PDE4D: variants seen among roughly 807,000 people sequenced by gnomAD.
PDE4D encodes the protein phosphodiesterase 4D.
In PDE4D, 24 loss-of-function variants were observed where a neutral mutation model predicts 87.4. The ratio of observed to expected loss-of-function variants is 0.27; its 90% CI spans 0.20 to 0.39. PDE4D has a LOEUF of 0.39. Ranked by LOEUF, PDE4D falls within the 10% of genes least tolerant of loss-of-function variation. PDE4D has a pLI of 1.00. For missense variants in PDE4D, 714 were observed against 1,041.0 expected, an observed-to-expected ratio of 0.69 and a Z score of 4.32; for synonymous variants, 384 against 383.2, an observed-to-expected ratio of 1.00 and a Z score of -0.02.
At chr5:58,980,814 G>GTGTA (rs1744944045) in intron 11 of PDE4D, among the ~76,000 whole-genome samples, 1 of 152,146 alleles carries the variant, frequency 6.6e-6, no homozygotes, top group African/African-American at 2.4e-5. Context: ...GAGTGTGTGT[G>GTGTA]TGTATGTGAG....
Position 59,545,745 on chromosome 5 carries a change from C to T in PDE4D, c.456-329777G>A, listed in dbSNP as rs540060828. ...CATGAAAAATTCTAGTTTGCCCCTA[C>T]TGTAAAAATTCACAATATAAATATA... On this transcript the variant is annotated intron_variant, in intron 1 of 14. Transcript: ENST00000340635. Among the ~76,000 whole-genome samples the T allele has an allele frequency of 3.7e-4, 56 of 152,210 alleles. No individual in the cohort carries two copies. The South Asian group carries it at 0.011, about 31-fold the overall frequency.
rs577845105 is a variant in PDE4D, at chr5:60,373,450, C to T, written c.-90+114492G>A. Reference sequence around the variant, plus strand: ...TTTCTATTATGTTTAGTTGCTACCTCTTTCTCTAGAGTCTTATTGAACTCA... The same window carrying T: ...TTTCTATTATGTTTAGTTGCTACCTTTTTCTCTAGAGTCTTATTGAACTCA... On this transcript the variant is annotated intron_variant, in intron 1 of 16. Transcript: ENST00000502484. Among the ~76,000 whole-genome samples, 13 of 152,268 alleles carry T rather than the reference C, an allele frequency of 8.5e-5. No individual in the cohort carries two copies. In the South Asian group the frequency reaches 2.5e-3, roughly 29 times the overall value.
At chr5:59,102,334 C>T (rs1031439878) in intron 5 of PDE4D, among the ~76,000 whole-genome samples, 1 of 152,060 alleles carries the variant, frequency 6.6e-6, no homozygotes, top group Non-Finnish European at 1.5e-5. Context: ...GATCTGCACG[C>T]CTCGGCCTCC....
chr5:60,092,358 A>G (rs890290009), intron 2 of PDE4D, among the ~76,000 whole-genome samples: 8 of 152,108 alleles, frequency 5.3e-5, no homozygotes, highest in African/African-American at 1.7e-4. Flanking sequence ...GATAGAAGGA[A>G]TAAGTTATAG....
At position 59,425,736 on chromosome 5, in the gene PDE4D, C is replaced by T. The variant is rs185877174; in HGVS notation, c.456-209768G>A. ...ACAGAAAATGGGACGTATTCTTCTC[C>T]GCAATGCCTCCCTCGTGCAGGTTCA... On this transcript the variant is annotated intron_variant, in intron 1 of 14. Transcript: ENST00000340635. Among the ~76,000 whole-genome samples, 470 of 152,248 alleles carry T rather than the reference C, an allele frequency of 3.1e-3. 5 individuals carry two copies. Among genetic ancestry groups the T allele is most frequent in the Non-Finnish European group, 2.4e-3 (161 of 68,028 alleles).
intron 5 of PDE4D, among the ~76,000 whole-genome samples, chr5:59,177,325 C>A (rs1400098200): frequency 1.3e-5 from 2 of 152,198 alleles, no homozygotes; most frequent in African/African-American, 4.8e-5. Flanking sequence ...CTATAAGCCA[C>A]CCAGTCTATG....
intron 1 of PDE4D, among the ~76,000 whole-genome samples, chr5:60,305,295 T>G (rs77190678): frequency 0.035 from 5,367 of 151,884 alleles, 233 homozygotes; most frequent in African/African-American, 0.1. Context: ...GGAGAGAGAA[T>G]TTTTTTAAAG....
intron 2 of PDE4D, among the ~76,000 whole-genome samples, chr5:60,033,928 T>C (rs372218794): frequency 1.3e-5 from 2 of 152,152 alleles, no homozygotes; most frequent in South Asian, 4.1e-4. Flanking sequence ...AAAAATAATA[T>C]ACACTGCTAG....
intron 1 of PDE4D, among the ~76,000 whole-genome samples, chr5:59,691,757 T>TC (rs1750985220): frequency 6.6e-6 from 1 of 151,882 alleles, no homozygotes; most frequent in African/African-American, 2.4e-5. Flanking sequence ...GCCAAACTAT[T>TC]TTAAGATGAT....
intron 1 of PDE4D, among the ~76,000 whole-genome samples, chr5:59,655,229 G>A (rs1159671509): frequency 2.0e-5 from 3 of 151,966 alleles, no homozygotes; most frequent in Non-Finnish European, 4.4e-5. Flanking sequence ...TTAGACCAAA[G>A]CTCCTACTTA....
At chr5:59,679,854 GCTTTA>G (rs1239998326) in intron 1 of PDE4D, among the ~76,000 whole-genome samples, 3 of 151,856 alleles carry the variant, frequency 2.0e-5, no homozygotes, top group Admixed American at 6.6e-5. Context: ...ACATATTATT[GCTTTA>G]CTTTACACAA....
At chr5:59,609,044 C>T (rs150436588) in intron 1 of PDE4D, among the ~76,000 whole-genome samples, 8 of 152,170 alleles carry the variant, frequency 5.3e-5, no homozygotes, top group South Asian at 2.1e-4. Flanking sequence ...ATGACTGTAG[C>T]CCAAGCCAAC....
intron 1 of PDE4D, among the ~76,000 whole-genome samples, chr5:59,683,452 T>C (rs895882578): frequency 9.2e-5 from 14 of 152,208 alleles, no homozygotes; most frequent in Non-Finnish European, 1.9e-4. Flanking sequence ...AATTGTCAAG[T>C]GACATTCTGG....
intron 1 of PDE4D, among the ~76,000 whole-genome samples, chr5:59,736,094 C>T (rs1758030358): frequency 6.6e-6 from 1 of 150,870 alleles, no homozygotes; most frequent in South Asian, 2.1e-4. Flanking sequence ...TAACATTGTG[C>T]ACATGTACCC....
chr5:60,070,460 T>A (rs981697670), intron 2 of PDE4D, among the ~76,000 whole-genome samples: 2 of 151,900 alleles, frequency 1.3e-5, no homozygotes, highest in African/African-American at 4.8e-5. Context: ...GATGATCACA[T>A]GTTTTTATGC....
At chr5:60,239,999 G>A (rs1171778600) in intron 1 of PDE4D, among the ~76,000 whole-genome samples, 1 of 152,054 alleles carries the variant, frequency 6.6e-6, no homozygotes, top group Non-Finnish European at 1.5e-5. Context: ...TGTTCCAGAT[G>A]TACAGGGATT....
At chr5:59,037,400 A>G (rs1463753306) in intron 6 of PDE4D, among the ~76,000 whole-genome samples, 2 of 152,230 alleles carry the variant, frequency 1.3e-5, no homozygotes, top group African/African-American at 4.8e-5. Flanking sequence ...CAGTTAGGAC[A>G]CTGGACATAT....
chr5:59,662,943 GA>G (rs1010832773), intron 1 of PDE4D, among the ~76,000 whole-genome samples: 2 of 151,780 alleles, frequency 1.3e-5, no homozygotes, highest in South Asian at 2.1e-4. Flanking sequence ...ACACATTAAA[GA>G]AAAAAATAAA....
intron 1 of PDE4D, among the ~76,000 whole-genome samples, chr5:59,472,504 A>G (rs1004142400): frequency 2.4e-4 from 37 of 152,338 alleles, no homozygotes; most frequent in African/African-American, 8.9e-4. Flanking sequence ...TAGCTTTCTC[A>G]TTAACTTTCA....
Sources: gnomAD v4.1 joint callset for allele counts (sites outside exome capture counted in the v4.1 genomes callset) on GRCh38, gnomAD v4.1.1 for gene constraint, MANE v1.5 for transcripts, NCBI Gene and HGNC (gene_info 2026-07-23, HGNC 2026-07-21) for gene names.